The following ZNF385D variants were observed in gnomAD, a reference collection of about 807,000 sequenced individuals.
ZNF385D encodes the protein zinc finger protein 385D.
Under a neutral mutation model 35.8 loss-of-function variants are expected in ZNF385D, and 15 were observed. That is an observed-to-expected ratio of 0.42 (90% confidence interval 0.28 to 0.64). The LOEUF (loss-of-function observed/expected upper bound fraction) is 0.64. Among genes scored for constraint, ZNF385D ranks in the 30% least tolerant of loss-of-function variants. ZNF385D has a pLI of 0.23. For missense variants in ZNF385D, 474 were observed against 494.6 expected (o/e 0.96, Z 0.39); for synonymous variants, 212 against 186.8 (o/e 1.13, Z -1.10).
intron 2 of ZNF385D, among the ~76,000 whole-genome samples, chr3:22,182,607 G>C (rs779323326): frequency 2.0e-5 from 3 of 151,276 alleles, no homozygotes; most frequent in Non-Finnish European, 4.4e-5. Context: ...ATTTGACTTA[G>C]AGAGAGTAGA....
chr3:21,614,546 G>A (rs1364656700), intron 2 of ZNF385D, among the ~76,000 whole-genome samples: 1 of 152,152 alleles, frequency 6.6e-6, no homozygotes, highest in Non-Finnish European at 1.5e-5. Context: ...ATGAATGGCA[G>A]GGGGTGATTT....
intron 3 of ZNF385D, among the ~76,000 whole-genome samples, chr3:21,783,193 G>A (rs993470272): frequency 1.3e-5 from 2 of 152,030 alleles, no homozygotes; most frequent in African/African-American, 4.8e-5. Flanking sequence ...TAAATACATG[G>A]CATCTGAAAC....
intron 3 of ZNF385D, among the ~76,000 whole-genome samples, chr3:21,823,841 A>G (rs1056868586): frequency 7.9e-5 from 12 of 152,248 alleles, no homozygotes; most frequent in South Asian, 4.1e-4. Context: ...ATCTGCCTGT[A>G]TAACTCCCAA....
intron 1 of ZNF385D, among the ~76,000 whole-genome samples, chr3:21,668,254 G>T (rs1405608074): frequency 6.6e-6 from 1 of 152,158 alleles, no homozygotes; most frequent in African/African-American, 2.4e-5. Context: ...TGGAGGAGTT[G>T]ATAGCCCCAA....
chr3:21,697,613 A>C (rs113216300), intron 1 of ZNF385D, among the ~76,000 whole-genome samples: 156 of 152,280 alleles, frequency 1.0e-3, no homozygotes, highest in African/African-American at 3.5e-3. Flanking sequence ...AATGGGACTT[A>C]ATTAAACTAA....
intron 2 of ZNF385D, among the ~76,000 whole-genome samples, chr3:22,249,815 G>T (rs1385291769): frequency 2.6e-5 from 4 of 151,990 alleles, no homozygotes; most frequent in African/African-American, 9.7e-5. Flanking sequence ...TTATATTTAG[G>T]ACCACTAGAG....
chr3:22,092,019 A>T (rs1416150980), intron 3 of ZNF385D, among the ~76,000 whole-genome samples: 1 of 152,202 alleles, frequency 6.6e-6, no homozygotes, highest in Admixed American at 6.6e-5. Flanking sequence ...TTCAGGAAGA[A>T]CATTTATAAC....
At chr3:21,749,277 C>A (rs2069937934) in intron 1 of ZNF385D, among the ~76,000 whole-genome samples, 2 of 152,194 alleles carry the variant, frequency 1.3e-5, no homozygotes, top group South Asian at 2.1e-4. Context: ...AGCTAGCCCA[C>A]TGAACATTTC....
At chr3:22,059,089 G>A (rs919859353) in intron 3 of ZNF385D, among the ~76,000 whole-genome samples, 1 of 152,186 alleles carries the variant, frequency 6.6e-6, no homozygotes, top group Admixed American at 6.5e-5. Context: ...GGCAATCACT[G>A]GACTCCTGGA....
chr3:21,881,571 G>C lies in ZNF385D; in HGVS notation c.326-216543C>G, dbSNP rs147221521. Among the ~76,000 whole-genome samples the C allele has an allele frequency of 8.7e-4, 133 of 152,150 alleles. 1 individual carries two copies. The highest frequency in any genetic ancestry group is 2.1e-3 in the Admixed American group (32 of 15,246). On this transcript the variant is annotated intron_variant, in intron 3 of 5. Coordinates refer to the ZNF385D transcript ENST00000494108. ...GAGCTTTAATGGAGATGTACAAGGA[G>C]ATTAATGTTGTTTTAATGCCTGCTA...
chr3:21,951,404 G>C (rs537333789), intron 3 of ZNF385D, among the ~76,000 whole-genome samples: 1 of 151,788 alleles, frequency 6.6e-6, no homozygotes, highest in African/African-American at 2.4e-5. Context: ...TTTGTATCCT[G>C]AGACTTTGCT....
At chr3:22,252,366 G>A (rs1700104752) in intron 2 of ZNF385D, among the ~76,000 whole-genome samples, 1 of 151,928 alleles carries the variant, frequency 6.6e-6, no homozygotes, top group Admixed American at 6.6e-5. Flanking sequence ...ATTGTTGTGT[G>A]GGGGAAATAA....
intron 3 of ZNF385D, among the ~76,000 whole-genome samples, chr3:22,044,668 C>G (rs1039390704): frequency 6.6e-6 from 1 of 151,996 alleles, no homozygotes; most frequent in Admixed American, 6.6e-5. Context: ...ACAGATTTAT[C>G]CTTTGCTAAG....
intron 3 of ZNF385D, among the ~76,000 whole-genome samples, chr3:21,915,510 G>A (rs144872051): frequency 2.4e-3 from 365 of 152,034 alleles, no homozygotes; most frequent in African/African-American, 8.4e-3. Flanking sequence ...CTGTTACAAG[G>A]TAAAATAAGT....
chr3:21,925,561 C>G (rs915499102), intron 3 of ZNF385D, among the ~76,000 whole-genome samples: 9 of 152,134 alleles, frequency 5.9e-5, no homozygotes, highest in Middle Eastern at 3.4e-3. Flanking sequence ...ACATCTAGAA[C>G]TAGTCAGAGT....
chr3:22,081,695 C>T (rs962797807), intron 3 of ZNF385D, among the ~76,000 whole-genome samples: 2 of 152,130 alleles, frequency 1.3e-5, no homozygotes, highest in Non-Finnish European at 2.9e-5. Context: ...ACATACAAAC[C>T]TTTCCACGGC....
At chr3:21,683,115 T>A (rs1036746813) in intron 1 of ZNF385D, among the ~76,000 whole-genome samples, 1 of 149,714 alleles carries the variant, frequency 6.7e-6, no homozygotes, top group African/African-American at 2.5e-5. Context: ...ATGCTGATGC[T>A]ATTGGTACAT....
intron 3 of ZNF385D, among the ~76,000 whole-genome samples, chr3:22,045,973 G>T (rs1451432382): frequency 1.3e-5 from 2 of 151,928 alleles, no homozygotes; most frequent in East Asian, 1.9e-4. Context: ...TGCCTCCAGG[G>T]AAGAAAAATA....
chr3:22,000,847 A>G (rs1403605113), intron 3 of ZNF385D, among the ~76,000 whole-genome samples: 1 of 152,084 alleles, frequency 6.6e-6, no homozygotes, highest in East Asian at 1.9e-4. Flanking sequence ...CCAGACAAGC[A>G]AAAACTGAGG....
Sources: gnomAD v4.1 joint callset for allele counts (sites outside exome capture counted in the v4.1 genomes callset) on GRCh38, gnomAD v4.1.1 for gene constraint, MANE v1.5 for transcripts, NCBI Gene and HGNC (gene_info 2026-07-23, HGNC 2026-07-21) for gene names.